MAP3K4: variants seen among roughly 807,000 people sequenced by gnomAD.
MAP3K4 encodes MAP three kinase 1.
MAP3K4 carries 67 observed loss-of-function variants against 185.6 expected under a neutral mutation model. That is an observed-to-expected ratio of 0.36 (90% CI 0.30 to 0.44). The LOEUF is 0.44. Among genes scored for constraint, MAP3K4 ranks in the 20% least tolerant of loss-of-function variants. The probability of loss-of-function intolerance (pLI) is 1.00; values close to 1 mark genes in which losing one functional copy is unlikely to be tolerated. For missense variants in MAP3K4, 1,551 were observed against 1,995.1 expected (o/e 0.78, Z 4.24); for synonymous variants, 702 against 710.4 (o/e 0.99, Z 0.19).
At position 161,077,580 on chromosome 6, in the gene MAP3K4, T is replaced by G. The variant is rs1181044608; in HGVS notation, c.2098-3301T>G. Among the ~76,000 whole-genome samples, 8 of 152,052 alleles carry G rather than the reference T, an allele frequency of 5.3e-5. No homozygotes were observed. The highest frequency in any genetic ancestry group is 1.9e-4 in the African/African-American group (8 of 41,394). Reference sequence around the variant, plus strand: ...GTAGGCTGGGGGTCCAGAGCAGATGTGAGAGGAACAGTTCAAGGCCATTCC... The same window carrying G: ...GTAGGCTGGGGGTCCAGAGCAGATGGGAGAGGAACAGTTCAAGGCCATTCC... On this transcript the variant is annotated intron_variant, in intron 5 of 26. Transcript: ENST00000392142. The surrounding 1 kb of genome is among the most constrained non-coding windows in gnomAD (Gnocchi z 4.3).
At chr6:161,072,534 A>G (rs889479935) in intron 4 of MAP3K4, among the ~76,000 whole-genome samples, 1 of 152,240 alleles carries the variant, frequency 6.6e-6, no homozygotes, top group East Asian at 1.9e-4. Context: ...TTGGTTAATC[A>G]TCGATTTAAG....
intron 1 of MAP3K4, among the ~76,000 whole-genome samples, chr6:161,023,778 A>T (rs1277975257): frequency 6.6e-6 from 1 of 152,220 alleles, no homozygotes; most frequent in Non-Finnish European, 1.5e-5. Flanking sequence ...TTACAACCAC[A>T]ATTACCAGTG....
In MAP3K4 at chr6:161,070,695, G is replaced by T. The variant is rs770742126; in HGVS notation, c.1795G>T (p.Val599Leu). The change falls in exon 4 of 27, where the codon GTG becomes TTG. Residue 599 changes from valine (V) to leucine (L), a missense_variant. Transcript: ENST00000392142. The surrounding 1 kb of genome is among the most constrained non-coding windows in gnomAD (Gnocchi z 4.5). ...PPSSEEKCSA[V>L]SWEELKAMDL... ...TTCATCTGAGGAGAAATGCAGTGCT[G>T]TGTCGTGGGAGGAGCTGAAGGCCAT... 1 of 1,614,148 alleles carries T rather than the reference G, an allele frequency of 6.2e-7. No individual in the cohort carries two copies. The highest frequency in any genetic ancestry group is 1.1e-5 in the South Asian group (1 of 91,080).
At position 161,114,974 on chromosome 6, in the gene MAP3K4, C is replaced by G. The variant is rs1208536010; in HGVS notation, c.4627-149C>G. ...TTGTGATAGAGATCATATGGCCTGT[C>G]AACCTAAAATATTGTTTGGCCCTTT... On this transcript the variant is annotated intron_variant, in intron 25 of 26. Coordinates refer to ENST00000392142, the MANE Select transcript of MAP3K4 (RefSeq NM_005922.4). This position sits in a 1 kb window ranked among gnomAD's most constrained non-coding sequence, Gnocchi z 4.3. The G allele has an allele frequency of 9.7e-6, 6 of 619,958 alleles. No homozygotes were observed. The highest frequency in any genetic ancestry group is 1.7e-5 in the Non-Finnish European group (6 of 356,346). 38.4% of individuals were successfully genotyped at this position (619,958 alleles called of 1,614,324 possible). A position where few individuals can be genotyped will look rare whatever the true frequency, so the allele number is the denominator to read the frequency against.
Position 161,092,042 on chromosome 6 carries a change from G to C in MAP3K4, c.3168G>C (p.Gly1056=). 1 of 1,613,204 alleles carries C rather than the reference G, an allele frequency of 6.2e-7. No homozygotes were observed. The highest frequency in any genetic ancestry group is 8.5e-7 in the Non-Finnish European group (1 of 1,179,270). ...AAGAAGTTGTTCGTTTGATGTCTGG[G>C]GAGTTTAGACAGAAGATAGGAGACA... ...YHKEVVRLMS[G]EFRQKIGDKY... Residue 1056 remains glycine (G), a synonymous_variant, in exon 13 of 27, where the codon GGG becomes GGC. Transcript: ENST00000392142.
At chr6:161,044,791 CATG>C (rs1783646174) in intron 2 of MAP3K4, among the ~76,000 whole-genome samples, 1 of 152,146 alleles carries the variant, frequency 6.6e-6, no homozygotes, top group Non-Finnish European at 1.5e-5. Context: ...AGCTTTTACT[CATG>C]GTGGAAGGTG....
intron 2 of MAP3K4, among the ~76,000 whole-genome samples, chr6:161,041,940 T>TA (rs1783485530): frequency 1.5e-5 from 2 of 135,280 alleles, no homozygotes; most frequent in Non-Finnish European, 3.2e-5. Context: ...TTTTTTTTTT[T>TA]AGAGATGGGG....
At chr6:161,010,393 T>C (rs1188398742) in intron 1 of MAP3K4, among the ~76,000 whole-genome samples, 1 of 152,246 alleles carries the variant, frequency 6.6e-6, no homozygotes, top group African/African-American at 2.4e-5. Flanking sequence ...GTAATATTTG[T>C]TAGAAATTAT....
intron 3 of MAP3K4, among the ~76,000 whole-genome samples, chr6:161,062,881 T>A (rs1372162734): frequency 6.7e-6 from 1 of 149,858 alleles, no homozygotes; most frequent in African/African-American, 2.4e-5. Context: ...TGTTTGTTTG[T>A]CAGTCTGTTT....
chr6:160,992,446 A>C (rs1780773985), intron 1 of MAP3K4: 1 of 303,464 alleles, frequency 3.3e-6, no homozygotes, highest in African/African-American at 2.2e-5. Flanking sequence ...TCTCATCATT[A>C]CTGAACGAAA....
chr6:161,067,982 C>T lies in MAP3K4; in HGVS notation c.1708-2626C>T, dbSNP rs1221572176. Among the ~76,000 whole-genome samples the T allele has an allele frequency of 6.6e-6, 1 of 152,178 alleles. No homozygotes were observed. Among genetic ancestry groups the T allele is most frequent in the Non-Finnish European group, 1.5e-5 (1 of 68,022 alleles). On this transcript the variant is annotated intron_variant, in intron 3 of 26. Transcript: ENST00000392142. This position sits in a 1 kb window ranked among gnomAD's most constrained non-coding sequence, Gnocchi z 6.3. ...AGCTTGTTAACAAGGTTGATGACAT[C>T]ATATGTTCCATTCTTTAGTGTTAGA...
chr6:161,050,391 T>C (rs1783947838), intron 3 of MAP3K4, among the ~76,000 whole-genome samples: 1 of 152,166 alleles, frequency 6.6e-6, no homozygotes, highest in Non-Finnish European at 1.5e-5. Flanking sequence ...TCTCTATCCT[T>C]TGAAGTTGTT....
At chr6:161,032,747 A>T (rs920534654) in intron 1 of MAP3K4, among the ~76,000 whole-genome samples, 1 of 152,236 alleles carries the variant, frequency 6.6e-6, no homozygotes, top group Non-Finnish European at 1.5e-5. Context: ...GTAAGATTAC[A>T]CTTTATTGTG....
Position 161,089,366 on chromosome 6 carries a change from A to G in MAP3K4, c.2868A>G (p.Thr956=), listed in dbSNP as rs370207071. ...TTGTCATGCAGTCTGCGCATCTCACAATTCAGAGAAAAGCTTTCCAGCAGT... is the reference window on the plus strand; with the variant it reads ...TTGTCATGCAGTCTGCGCATCTCACGATTCAGAGAAAAGCTTTCCAGCAGT... The part of the protein sequence containing the change: ...LLVVMQSAHL[T]IQRKAFQQSI... The change falls in exon 11 of 27, where the codon ACA becomes ACG. Residue 956 remains threonine, a synonymous_variant. Coordinates refer to ENST00000392142, the MANE Select transcript of MAP3K4 (RefSeq NM_005922.4). 2 of 1,614,176 alleles carry G rather than the reference A, an allele frequency of 1.2e-6. No individual in the cohort carries two copies. The highest frequency in any genetic ancestry group is 1.1e-5 in the South Asian group (1 of 91,082).
chr6:161,104,709 C>CA (rs10688556), intron 19 of MAP3K4, among the ~76,000 whole-genome samples: 26,203 of 121,518 alleles, frequency 0.22, 3,402 homozygotes, highest in African/African-American at 0.33. Context: ...GACTCCATCT[C>CA]AAAAAAAAAA....
rs1057066112 is a variant in MAP3K4 at position 161,051,915 on chromosome 6, G to C, written c.1707+1936G>C. On this transcript the variant is annotated intron_variant, in intron 3 of 26. Coordinates refer to ENST00000392142, the MANE Select transcript of MAP3K4 (RefSeq NM_005922.4). The surrounding 1 kb of genome is among the most constrained non-coding windows in gnomAD (Gnocchi z 4.2). ...TTGCCCAGGCTGGACTCAAACTCGTGGGCTAAAACAGTCCTCCTGCCTTAG... is the reference window on the plus strand; with the variant it reads ...TTGCCCAGGCTGGACTCAAACTCGTCGGCTAAAACAGTCCTCCTGCCTTAG... Among the ~76,000 whole-genome samples, 5 of 152,210 alleles carry C rather than the reference G, an allele frequency of 3.3e-5. No individual in the cohort carries two copies. Among genetic ancestry groups the C allele is most frequent in the African/African-American group, 1.2e-4 (5 of 41,534 alleles).
At chr6:161,104,582 G>A (rs1007702863) in intron 19 of MAP3K4, among the ~76,000 whole-genome samples, 6 of 150,916 alleles carry the variant, frequency 4.0e-5, no homozygotes, top group Non-Finnish European at 7.4e-5. Flanking sequence ...GTGGTGGTGC[G>A]CGCCTGTAGT....
chr6:161,114,092 A>C lies in MAP3K4; in HGVS notation c.4627-1031A>C, dbSNP rs114114334. On this transcript the variant is annotated intron_variant, in intron 25 of 26. Coordinates refer to ENST00000392142, the MANE Select transcript of MAP3K4 (RefSeq NM_005922.4). This position sits in a 1 kb window ranked among gnomAD's most constrained non-coding sequence, Gnocchi z 4.3. ...GACATTTTTAAAGATTGAGAATACTATCTTTTAGAGAGTATATAAAGAAAC... is the reference window on the plus strand; with the variant it reads ...GACATTTTTAAAGATTGAGAATACTCTCTTTTAGAGAGTATATAAAGAAAC... Among the ~76,000 whole-genome samples the C allele has an allele frequency of 2.0e-5, 3 of 152,076 alleles. No homozygotes were observed. The East Asian group carries it at 5.8e-4, about 29-fold the overall frequency.
rs180772522 is a variant in MAP3K4 at position 161,008,181 on chromosome 6, T to G, written c.152+16098T>G. On this transcript the variant is annotated intron_variant, in intron 1 of 26. Coordinates refer to ENST00000392142, the MANE Select transcript of MAP3K4 (RefSeq NM_005922.4). This position sits in a 1 kb window ranked among gnomAD's most constrained non-coding sequence, Gnocchi z 4.1. Reference sequence around the variant, plus strand: ...GTAGGAACCTTTGTTGGGTAGCAATTGCATACTCATTTTCACTGGGTGTTT... The same window carrying G: ...GTAGGAACCTTTGTTGGGTAGCAATGGCATACTCATTTTCACTGGGTGTTT... Among the ~76,000 whole-genome samples the G allele has an allele frequency of 1.3e-4, 20 of 152,290 alleles. No individual in the cohort carries two copies. In the East Asian group the frequency reaches 3.9e-3, roughly 29 times the overall value.
Sources: allele counts gnomAD v4.1 joint callset (sites outside exome capture counted in the v4.1 genomes callset), GRCh38; gene constraint gnomAD v4.1.1; non-coding constraint Gnocchi (gnomAD v3.1); transcripts MANE v1.5; gene names NCBI Gene and HGNC (gene_info 2026-07-23, HGNC 2026-07-21).